Variants in IQCJ observed in about 807,000 individuals in gnomAD.
The protein encoded by IQCJ is IQ motif containing J.
Under a neutral mutation model 11.0 loss-of-function variants are expected in IQCJ, and 9 were observed. The ratio of observed to expected loss-of-function variants is 0.82; its 90% CI spans 0.49 to 1.43. IQCJ has a LOEUF of 1.43. Ranked by LOEUF, IQCJ falls within the 40% of genes most tolerant of loss-of-function variation. The probability of loss-of-function intolerance (pLI) is 0.00; values close to 1 mark genes in which losing one functional copy is unlikely to be tolerated. For synonymous variants in IQCJ, 55 were observed against 51.3 expected (o/e 1.07, Z -0.31); for missense variants, 146 against 133.2 (o/e 1.10, Z -0.47).
chr3:159,193,090 C>A (rs188816867), intron 1 of IQCJ, among the ~76,000 whole-genome samples: 118 of 152,286 alleles, frequency 7.7e-4, no homozygotes, highest in Middle Eastern at 3.4e-3. Flanking sequence ...GGTCACCATC[C>A]TTTTCAGTCC....
chr3:159,245,299 C>T (rs1279738213), intron 1 of IQCJ, among the ~76,000 whole-genome samples: 1 of 150,922 alleles, frequency 6.6e-6, no homozygotes, highest in Non-Finnish European at 1.5e-5. Flanking sequence ...GTGGGTGGAT[C>T]TATGTAAACA....
At chr3:159,183,242 C>T (rs1295274946) in intron 1 of IQCJ, among the ~76,000 whole-genome samples, 2 of 152,164 alleles carry the variant, frequency 1.3e-5, no homozygotes, top group Non-Finnish European at 2.9e-5. Flanking sequence ...GCATATGTCT[C>T]ATTCACATAT....
chr3:159,183,436 T>C (rs945607416), intron 1 of IQCJ, among the ~76,000 whole-genome samples: 1 of 152,186 alleles, frequency 6.6e-6, no homozygotes, highest in Non-Finnish European at 1.5e-5. Context: ...GTTATGCTCC[T>C]TTCTGTCTAT....
At chr3:159,190,003 C>T (rs1293133721) in intron 1 of IQCJ, among the ~76,000 whole-genome samples, 2 of 152,184 alleles carry the variant, frequency 1.3e-5, no homozygotes, top group Non-Finnish European at 2.9e-5. Flanking sequence ...CACCCTTTGT[C>T]AAGAAGTGAA....
intron 1 of IQCJ, among the ~76,000 whole-genome samples, chr3:159,161,863 G>A (rs534712319): frequency 6.6e-6 from 1 of 152,082 alleles, no homozygotes; most frequent in South Asian, 2.1e-4. Context: ...TTATTTCTGA[G>A]GGCTCTGTTC....
chr3:159,247,519 A>G (rs1393817949), intron 2 of IQCJ, among the ~76,000 whole-genome samples: 1 of 152,188 alleles, frequency 6.6e-6, no homozygotes, highest in Non-Finnish European at 1.5e-5. Flanking sequence ...GACAAAAAGG[A>G]AGGATCTACT....
At chr3:159,116,546 G>T (rs1438791504) in intron 1 of IQCJ, among the ~76,000 whole-genome samples, 1 of 146,252 alleles carries the variant, frequency 6.8e-6, no homozygotes, top group African/African-American at 2.5e-5. Context: ...GCCACCTGTA[G>T]AATCTGTTAA....
At chr3:159,174,935 A>G (rs949534408) in intron 1 of IQCJ, among the ~76,000 whole-genome samples, 1 of 152,172 alleles carries the variant, frequency 6.6e-6, no homozygotes, top group African/African-American at 2.4e-5. Context: ...TAAGCTGTGA[A>G]CATTGTCAGC....
intron 1 of IQCJ, among the ~76,000 whole-genome samples, chr3:159,193,089 C>A (rs1723782683): frequency 6.6e-6 from 1 of 152,184 alleles, no homozygotes; most frequent in South Asian, 2.1e-4. Context: ...TGGTCACCAT[C>A]CTTTTCAGTC....
intron 1 of IQCJ, among the ~76,000 whole-genome samples, chr3:159,138,454 A>C (rs149312437): frequency 6.6e-6 from 1 of 152,352 alleles, no homozygotes; most frequent in Admixed American, 6.5e-5. Flanking sequence ...TTAATACCAT[A>C]AAATTTGAAT....
chr3:159,264,494 T>G (rs1013812840), downstream of IQCJ, among the ~76,000 whole-genome samples: 4 of 152,176 alleles, frequency 2.6e-5, no homozygotes, highest in Non-Finnish European at 5.9e-5. Flanking sequence ...CAGAAATTTG[T>G]TCTCCCATAA....
At chr3:159,259,344 A>G (rs1728076276) in intron 3 of IQCJ, among the ~76,000 whole-genome samples, 1 of 152,248 alleles carries the variant, frequency 6.6e-6, no homozygotes, top group African/African-American at 2.4e-5. Flanking sequence ...TTCAAAATAT[A>G]GGAGCACACA....
chr3:159,190,164 C>T (rs957341297), intron 1 of IQCJ, among the ~76,000 whole-genome samples: 1 of 152,148 alleles, frequency 6.6e-6, no homozygotes, highest in Non-Finnish European at 1.5e-5. Flanking sequence ...AGGATTAGCA[C>T]CCTGCTCAGC....
At chr3:159,175,318 G>T (rs570216838) in intron 1 of IQCJ, among the ~76,000 whole-genome samples, 2 of 152,026 alleles carry the variant, frequency 1.3e-5, no homozygotes, top group Admixed American at 1.3e-4. Context: ...AAAAGCAAAA[G>T]AAATTAGTCA....
At chr3:159,226,392 G>C (rs1481547415) in intron 1 of IQCJ, among the ~76,000 whole-genome samples, 2 of 152,148 alleles carry the variant, frequency 1.3e-5, no homozygotes, top group Admixed American at 1.3e-4. Flanking sequence ...CTTATGTATG[G>C]AGCCAGGAGC....
chr3:159,155,325 CTG>C (rs141511567), intron 1 of IQCJ, among the ~76,000 whole-genome samples: 33,574 of 151,956 alleles, frequency 0.22, 4,509 homozygotes, highest in South Asian at 0.39. Context: ...ACCTGACTAA[CTG>C]TTGTATTTTT....
intron 1 of IQCJ, among the ~76,000 whole-genome samples, chr3:159,208,111 T>C (rs1163356370): frequency 6.6e-6 from 1 of 152,166 alleles, no homozygotes; most frequent in African/African-American, 2.4e-5. Flanking sequence ...TCATGGACCA[T>C]CAAGTCCAGA....
intron 1 of IQCJ, among the ~76,000 whole-genome samples, chr3:159,120,708 A>G (rs1015901290): frequency 1.2e-4 from 19 of 152,342 alleles, no homozygotes; most frequent in Middle Eastern, 3.4e-3. Flanking sequence ...GACTGTTTAC[A>G]GGTAGGGAGT....
chr3:159,206,840 C>G (rs1485270355), intron 1 of IQCJ, among the ~76,000 whole-genome samples: 1 of 152,152 alleles, frequency 6.6e-6, no homozygotes, highest in Admixed American at 6.5e-5. Flanking sequence ...TCATTAATCA[C>G]ATATAAAGTA....
Sources: allele counts gnomAD v4.1 joint callset (sites outside exome capture counted in the v4.1 genomes callset), GRCh38; gene constraint gnomAD v4.1.1; transcripts MANE v1.5; gene names NCBI Gene and HGNC (gene_info 2026-07-23, HGNC 2026-07-21).